PTPN3: variants seen among roughly 807,000 people sequenced by gnomAD.
PTPN3 encodes tyrosine-protein phosphatase non-receptor type 3.
Under a neutral mutation model 132.7 loss-of-function variants are expected in PTPN3, and 96 were observed. The ratio of observed to expected loss-of-function variants is 0.72; its 90% CI spans 0.61 to 0.86. The LOEUF is 0.86. Among genes scored for constraint, PTPN3 ranks in the 40% least tolerant of loss-of-function variants. PTPN3 has a pLI of 0.00. For missense variants in PTPN3, 1,125 were observed against 1,159.6 expected (o/e 0.97, Z 0.43); for synonymous variants, 398 against 429.0 (o/e 0.93, Z 0.89).
At chr9:109,515,755 A>G in the PTPN3 span, among the ~76,000 whole-genome samples, 21 of 152,260 alleles carry the variant, frequency 1.4e-4, no homozygotes, top group Admixed American at 1.1e-3. Flanking sequence ...GAGGGGTACC[A>G]TGCCCTTTTT....
chr9:109,534,227 C>T, the PTPN3 span: 1 of 1,428,918 alleles, frequency 7.0e-7, no homozygotes, highest in Non-Finnish European at 9.7e-7. Flanking sequence ...CCACCGTTTC[C>T]TGTGCCGCTG....
chr9:109,450,799 T>C (rs1845193914), intron 5 of PTPN3: 1 of 985,480 alleles, frequency 1.0e-6, no homozygotes. Context: ...TGTAATGACC[T>C]CTCTTGTGGG....
At chr9:109,379,706 G>A in intron 25 of PTPN3, 73 bp from the exon 26 acceptor site, 1 of 1,263,246 alleles carries the variant, frequency 7.9e-7, no homozygotes, top group Non-Finnish European at 1.2e-6. Flanking sequence ...GTACCGGTGG[G>A]TCTTTTGCAG....
intron 5 of PTPN3, chr9:109,449,901 A>G (rs923000116): frequency 2.2e-5 from 22 of 985,314 alleles, no homozygotes; most frequent in Middle Eastern, 5.2e-4. Flanking sequence ...ACAACCTCCT[A>G]TTTGCACAGT....
rs759874495 is a variant in PTPN3, at chr9:109,426,972, T to C, written c.979A>G (p.Met327Val). The C allele has an allele frequency of 1.2e-5, 20 of 1,613,450 alleles. No individual in the cohort carries two copies. The highest frequency in any genetic ancestry group is 7.7e-5 in the South Asian group (7 of 91,038). ...CACTTTTTGGTGTTCCGAGAGCCCA[T>C]AGTCCAGTACTGAGACAGAACATTC... ...EKNVLSQYWT[M>V]GSRNTKKSVN... Residue 327 changes from methionine (M) to valine (V), a missense_variant, in exon 12 of 26, where the codon ATG becomes GTG. Coordinates refer to ENST00000374541, the MANE Select transcript of PTPN3 (RefSeq NM_002829.4).
At chr9:109,496,922 G>A (rs564858987) in intron 1 of PTPN3, among the ~76,000 whole-genome samples, 1 of 152,262 alleles carries the variant, frequency 6.6e-6, no homozygotes, top group Non-Finnish European at 1.5e-5. Flanking sequence ...CTTAAAGTTG[G>A]ATTTGGGAGC....
In PTPN3 at chr9:109,376,173, T is replaced by A. The variant is rs976147789; in HGVS notation, c.*3383A>T. 6.6e-6 allele frequency: 1 copy of A among 152,244 alleles called. No individual in the cohort carries two copies. Among genetic ancestry groups the A allele is most frequent in the African/African-American group, 2.4e-5 (1 of 41,464 alleles). The allele number at this position is 152,244 out of a possible 1,614,324, so 9.4% of individuals were successfully genotyped here. Reference sequence around the variant, plus strand: ...CAGAATGGCAAATCTTGACCTCATCTAGTCCAGCCCAACCTTCCCTTTTTA... The same window carrying A: ...CAGAATGGCAAATCTTGACCTCATCAAGTCCAGCCCAACCTTCCCTTTTTA... On this transcript the variant is annotated 3_prime_UTR_variant, in exon 26 of 26. Coordinates refer to ENST00000374541, the MANE Select transcript of PTPN3 (RefSeq NM_002829.4).
chr9:109,520,173 A>AAG, the PTPN3 span, among the ~76,000 whole-genome samples: 1 of 151,510 alleles, frequency 6.6e-6, no homozygotes, highest in African/African-American at 2.4e-5. Context: ...AAAAAAAAAA[A>AAG]GAAATGCCTC....
At chr9:109,455,041 C>G (rs1013579849) in intron 4 of PTPN3, among the ~76,000 whole-genome samples, 20 of 152,096 alleles carry the variant, frequency 1.3e-4, no homozygotes, top group Non-Finnish European at 2.8e-4. Flanking sequence ...ACAGATAAGC[C>G]AATTAGAGGT....
At chr9:109,495,641 G>A (rs995264130) in intron 1 of PTPN3, among the ~76,000 whole-genome samples, 5 of 152,156 alleles carry the variant, frequency 3.3e-5, no homozygotes, top group African/African-American at 7.2e-5. Flanking sequence ...CCAACAAAGC[G>A]TTGCTCTCAA....
the PTPN3 span, among the ~76,000 whole-genome samples, chr9:109,514,006 A>C: frequency 2.0e-5 from 3 of 152,102 alleles, no homozygotes; most frequent in African/African-American, 7.2e-5. Flanking sequence ...TCCATCCTAC[A>C]AGCCTGCTCC....
intron 17 of PTPN3, among the ~76,000 whole-genome samples, chr9:109,407,994 ACTGC>A (rs1205286290): frequency 4.6e-5 from 7 of 152,240 alleles, no homozygotes; most frequent in African/African-American, 1.7e-4. Context: ...AGAACAGCAG[ACTGC>A]CTAAGTTTCC....
At chr9:109,476,017 G>A (rs889888995) in intron 1 of PTPN3, among the ~76,000 whole-genome samples, 18 of 152,136 alleles carry the variant, frequency 1.2e-4, no homozygotes, top group African/African-American at 3.6e-4. Context: ...GGTGACTCGC[G>A]AAGTCACTAA....
intron 2 of PTPN3, among the ~76,000 whole-genome samples, chr9:109,462,103 A>T (rs1336721924): frequency 6.6e-6 from 1 of 152,214 alleles, no homozygotes; most frequent in Non-Finnish European, 1.5e-5. Context: ...CTCGTGGAAG[A>T]GTGGGGCAGA....
intron 12 of PTPN3, among the ~76,000 whole-genome samples, chr9:109,423,093 G>C (rs1842995584): frequency 6.6e-6 from 1 of 152,168 alleles, no homozygotes; most frequent in South Asian, 2.1e-4. Context: ...CAACAAAGCT[G>C]TTTCCAGAAT....
At chr9:109,442,817 G>A (rs1366470775) in intron 7 of PTPN3, among the ~76,000 whole-genome samples, 1 of 152,120 alleles carries the variant, frequency 6.6e-6, no homozygotes, top group Non-Finnish European at 1.5e-5. Context: ...CTGAGGTCTG[G>A]AGAAGCTCAA....
chr9:109,393,412 G>T (rs1840300533), intron 19 of PTPN3, among the ~76,000 whole-genome samples: 1 of 137,828 alleles, frequency 7.3e-6, no homozygotes, highest in Admixed American at 7.4e-5. Flanking sequence ...TTGAGATGGA[G>T]CTTCACTCTT....
At chr9:109,424,225 A>G (rs193181300) in intron 12 of PTPN3, among the ~76,000 whole-genome samples, 1 of 152,344 alleles carries the variant, frequency 6.6e-6, no homozygotes, top group Admixed American at 6.5e-5. Flanking sequence ...ACCTTTCAGA[A>G]GGCCCAATAA....
At chr9:109,465,326 C>T (rs754806384) in intron 1 of PTPN3, among the ~76,000 whole-genome samples, 25 of 152,266 alleles carry the variant, frequency 1.6e-4, no homozygotes, top group Admixed American at 3.9e-4. Flanking sequence ...CCTGTAATCC[C>T]AGCACTTTGG....
Sources: allele counts gnomAD v4.1 joint callset (sites outside exome capture counted in the v4.1 genomes callset), GRCh38; gene constraint gnomAD v4.1.1; transcripts MANE v1.5; gene names NCBI Gene and HGNC (gene_info 2026-07-23, HGNC 2026-07-21).